The following LRP1B variants were observed in gnomAD, a reference collection of about 807,000 sequenced individuals.
LRP1B encodes the protein low-density lipoprotein receptor-related protein 1B.
A neutral mutation model predicts 556.6 loss-of-function variants in LRP1B; 217 were observed. The ratio of observed to expected loss-of-function variants is 0.39; its 90% CI spans 0.35 to 0.44. The LOEUF (loss-of-function observed/expected upper bound fraction) is 0.44. LRP1B is among the 20% of genes least tolerant of loss of function. The pLI is 1.00. For missense variants in LRP1B, 5,053 were observed against 5,620.8 expected (o/e 0.90, Z 3.23); for synonymous variants, 2,047 against 1,865.8 (o/e 1.10, Z -2.50).
At position 141,452,705 on chromosome 2, in the gene LRP1B, T is replaced by G. The variant is rs77894724; in HGVS notation, c.343+27691A>C. Among the ~76,000 whole-genome samples, 666 of 152,330 alleles carry G rather than the reference T, an allele frequency of 4.4e-3. 6 individuals are homozygous for G. Among genetic ancestry groups the G allele is most frequent in the South Asian group, 0.024 (114 of 4,830 alleles). Reference sequence around the variant, plus strand: ...GTCACTACTCTAGAATCAACTAGTTTGCTTGTTTGTAGCTATTCCTCAGTC... The same window carrying G: ...GTCACTACTCTAGAATCAACTAGTTGGCTTGTTTGTAGCTATTCCTCAGTC... On this transcript the variant is annotated intron_variant, in intron 3 of 90. Transcript: ENST00000389484.
At chr2:141,707,259 G>A (rs529920167) in intron 2 of LRP1B, among the ~76,000 whole-genome samples, 1 of 152,174 alleles carries the variant, frequency 6.6e-6, no homozygotes, top group African/African-American at 2.4e-5. Flanking sequence ...GCAGCAGTGA[G>A]AGAGGCAAAT....
At chr2:141,800,094 G>A (rs1695960274) in intron 2 of LRP1B, among the ~76,000 whole-genome samples, 4 of 151,858 alleles carry the variant, frequency 2.6e-5, no homozygotes, top group African/African-American at 9.7e-5. Flanking sequence ...TCAACCACAG[G>A]CCCTGTCATA....
At chr2:140,847,485 C>G (rs544000407) in intron 29 of LRP1B, among the ~76,000 whole-genome samples, 22 of 152,090 alleles carry the variant, frequency 1.4e-4, no homozygotes, top group African/African-American at 4.8e-4. Flanking sequence ...AGAAAATGTT[C>G]AGGCTGGGCG....
At chr2:140,488,170 A>G (rs1167725672) in intron 57 of LRP1B, among the ~76,000 whole-genome samples, 1 of 152,012 alleles carries the variant, frequency 6.6e-6, no homozygotes, top group African/African-American at 2.4e-5. Flanking sequence ...TCTGATTAAG[A>G]TGAGCCCTGG....
chr2:141,768,995 CAAT>C (rs1414959689), intron 2 of LRP1B, among the ~76,000 whole-genome samples: 1 of 151,930 alleles, frequency 6.6e-6, no homozygotes, highest in African/African-American at 2.4e-5. Flanking sequence ...GTGGTAGAGA[CAAT>C]TATTATTCCC....
intron 35 of LRP1B, among the ~76,000 whole-genome samples, chr2:140,745,982 G>A (rs148207084): frequency 6.4e-4 from 98 of 152,234 alleles, no homozygotes; most frequent in African/African-American, 2.2e-3. Flanking sequence ...AAATATATCA[G>A]ATGGGTAATT....
intron 41 of LRP1B, among the ~76,000 whole-genome samples, chr2:140,617,780 C>T (rs930529688): frequency 6.6e-6 from 1 of 151,930 alleles, no homozygotes; most frequent in East Asian, 1.9e-4. Flanking sequence ...GAGAAATCTA[C>T]ATTTAACAGC....
chr2:140,610,808 C>A (rs1293987089), intron 41 of LRP1B, among the ~76,000 whole-genome samples: 2 of 152,118 alleles, frequency 1.3e-5, no homozygotes, highest in African/African-American at 2.4e-5. Flanking sequence ...GATGGTCTCG[C>A]TCTCCGCCCG....
intron 80 of LRP1B, 31 bp from the exon 81 acceptor site, chr2:140,324,097 TTTAATG>T: frequency 7.0e-7 from 1 of 1,427,932 alleles, no homozygotes; most frequent in Non-Finnish European, 9.9e-7. Flanking sequence ...TTATGAAAGT[TTTAATG>T]TATATACTCA....
chr2:141,802,449 AAAACAAACAAAC>A (rs751889535), intron 2 of LRP1B, among the ~76,000 whole-genome samples: 5 of 152,088 alleles, frequency 3.3e-5, no homozygotes, highest in East Asian at 1.9e-4. Context: ...AGTTTTTAGA[AAAACAAACAAAC>A]AAACAAACAA....
At chr2:142,089,635 T>A (rs977691962) in intron 1 of LRP1B, among the ~76,000 whole-genome samples, 15 of 152,116 alleles carry the variant, frequency 9.9e-5, no homozygotes, top group African/African-American at 2.9e-4. Flanking sequence ...GGACAAAGAA[T>A]GGTAGGTTGA....
chr2:140,668,813 T>C (rs1433298402), intron 41 of LRP1B, among the ~76,000 whole-genome samples: 1 of 151,882 alleles, frequency 6.6e-6, no homozygotes, highest in Non-Finnish European at 1.5e-5. Flanking sequence ...TCTGTGAAAC[T>C]GACCAGCACT....
chr2:140,428,748 G>A (rs1486791505), intron 66 of LRP1B, among the ~76,000 whole-genome samples: 6 of 152,088 alleles, frequency 3.9e-5, no homozygotes. Flanking sequence ...GTCTTTTCAA[G>A]GGCCTGTTTC....
chr2:140,726,255 C>T (rs1687590097), intron 35 of LRP1B, among the ~76,000 whole-genome samples: 2 of 152,016 alleles, frequency 1.3e-5, no homozygotes, highest in South Asian at 4.1e-4. Context: ...ACTTGGTCTT[C>T]TATGGGAGGA....
At chr2:140,241,890 A>T (rs1680963406) in intron 87 of LRP1B, among the ~76,000 whole-genome samples, 1 of 150,988 alleles carries the variant, frequency 6.6e-6, no homozygotes, top group Admixed American at 6.6e-5. Context: ...TTGTTAATAG[A>T]GTATTAGAAA....
chr2:141,378,466 G>A lies in LRP1B; in HGVS notation c.343+101930C>T, dbSNP rs149346384. Reference sequence around the variant, plus strand: ...GTGGTGGAATGAACTCTTGAGGCCAGGAGTTCAAGACCAGCATAGGAAACA... The same window carrying A: ...GTGGTGGAATGAACTCTTGAGGCCAAGAGTTCAAGACCAGCATAGGAAACA... On this transcript the variant is annotated intron_variant, in intron 3 of 90. Coordinates refer to ENST00000389484, the MANE Select transcript of LRP1B (RefSeq NM_018557.3). Among the ~76,000 whole-genome samples, 22 of 152,248 alleles carry A rather than the reference G, an allele frequency of 1.4e-4. No individual in the cohort carries two copies. The East Asian group carries it at 4.2e-3, about 29-fold the overall frequency.
In LRP1B at chr2:140,391,834, T is replaced by C. The variant is rs192768834; in HGVS notation, c.10415-5825A>G. On this transcript the variant is annotated intron_variant, in intron 66 of 90. Coordinates refer to ENST00000389484, the MANE Select transcript of LRP1B (RefSeq NM_018557.3). ...TTGACATTTGAGGCTACCATGTTTTTATTCTGTTTCATAATTAAAATGAAA... is the reference window on the plus strand; with the variant it reads ...TTGACATTTGAGGCTACCATGTTTTCATTCTGTTTCATAATTAAAATGAAA... 5.5e-4 allele frequency among the ~76,000 whole-genome samples: 84 copies of C among 152,332 alleles called. 2 individuals carry two copies. The highest frequency in any genetic ancestry group is 2.0e-3 in the African/African-American group (83 of 41,582).
chr2:141,246,206 G>A (rs1162189268), intron 5 of LRP1B, among the ~76,000 whole-genome samples: 1 of 152,152 alleles, frequency 6.6e-6, no homozygotes, highest in East Asian at 1.9e-4. Context: ...GATTGGGAAG[G>A]TCACTCTGAA....
At chr2:140,369,208 T>C (rs1183368865) in intron 71 of LRP1B, among the ~76,000 whole-genome samples, 2 of 151,874 alleles carry the variant, frequency 1.3e-5, no homozygotes, top group Non-Finnish European at 2.9e-5. Flanking sequence ...TGTAATCAGG[T>C]ACCTTGAGTA....
Sources: gnomAD v4.1 joint callset for allele counts (sites outside exome capture counted in the v4.1 genomes callset) on GRCh38, gnomAD v4.1.1 for gene constraint, MANE v1.5 for transcripts, NCBI Gene and HGNC (gene_info 2026-07-23, HGNC 2026-07-21) for gene names.